SPRR2D: variants seen among roughly 807,000 people sequenced by gnomAD.
The protein encoded by SPRR2D is small proline rich protein 2D.
For synonymous variants in SPRR2D, 43 were observed against 32.8 expected (o/e 1.31, Z -1.06); for missense variants, 81 against 87.2 (o/e 0.93, Z 0.28).
rs3204285 is a variant in SPRR2D at position 153,040,118 on chromosome 1, C to T, written c.*10G>A. ...TTATCCTCTCATGCTCCTGATGAAT[C>T]CTGAAGCTGTTACTTGCTCTTGGGT... On this transcript the variant is annotated 3_prime_UTR_variant, in exon 2 of 2. Coordinates refer to ENST00000360379, the MANE Select transcript of SPRR2D (RefSeq NM_006945.5). 1.9e-6 allele frequency: 3 copies of T among 1,611,260 alleles called. No homozygotes were observed. Among genetic ancestry groups the T allele is most frequent in the African/African-American group, 1.3e-5 (1 of 74,848 alleles).
chr1:153,040,094 T>A lies in SPRR2D; in HGVS notation c.*34A>T. Reference sequence around the variant, plus strand: ...TGGAACGAGGTGAGCCAATTATCCTTATCCTCTCATGCTCCTGATGAATCC... The same window carrying A: ...TGGAACGAGGTGAGCCAATTATCCTAATCCTCTCATGCTCCTGATGAATCC... On this transcript the variant is annotated 3_prime_UTR_variant, in exon 2 of 2. Coordinates refer to ENST00000360379, the MANE Select transcript of SPRR2D (RefSeq NM_006945.5). The A allele has an allele frequency of 6.2e-7, 1 of 1,601,708 alleles. No homozygotes were observed. The highest frequency in any genetic ancestry group is 8.5e-7 in the Non-Finnish European group (1 of 1,174,546).
Position 153,039,855 on chromosome 1 carries a change from G to T in SPRR2D, c.*273C>A. On this transcript the variant is annotated 3_prime_UTR_variant, in exon 2 of 2. Transcript: ENST00000360379. ...CAACAGAATTGTCTGATGGTTCCCA[G>T]GGAGAGAGCTGCTGCTCTTTCTTCC... 1.6e-6 allele frequency: 1 copy of T among 614,956 alleles called. No individual in the cohort carries two copies. Among genetic ancestry groups the T allele is most frequent in the Non-Finnish European group, 2.7e-6 (1 of 363,786 alleles). 38.1% of individuals were successfully genotyped at this position (614,956 alleles called of 1,614,324 possible).
Position 153,040,057 on chromosome 1 carries a change from C to A in SPRR2D, c.*71G>T, listed in dbSNP as rs1372330489. 7.0e-6 allele frequency: 11 copies of A among 1,565,180 alleles called. No homozygotes were observed. The highest frequency in any genetic ancestry group is 1.8e-5 in the Admixed American group (1 of 56,556). Reference sequence around the variant, plus strand: ...CATGGAAGGCTTTGGTGAGAAGATGCAAGTGGAGCTGTGGAACGAGGTGAG... The same window carrying A: ...CATGGAAGGCTTTGGTGAGAAGATGAAAGTGGAGCTGTGGAACGAGGTGAG... On this transcript the variant is annotated 3_prime_UTR_variant, in exon 2 of 2. Coordinates refer to ENST00000360379, the MANE Select transcript of SPRR2D (RefSeq NM_006945.5).
intron 1 of SPRR2D, chr1:153,040,777 C>T (rs1653968941): frequency 9.1e-6 from 2 of 218,654 alleles, no homozygotes; most frequent in Non-Finnish European, 1.8e-5. Context: ...AGGCTCTTGG[C>T]ACCTGTTAAG....
chr1:153,040,304 G>T lies in SPRR2D; in HGVS notation c.43C>A (p.Pro15Thr). Residue 15 changes from proline (P) to threonine (T), a missense_variant, in exon 2 of 2, where the codon CCT (proline) becomes ACT (threonine). Coordinates refer to ENST00000360379, the MANE Select transcript of SPRR2D (RefSeq NM_006945.5). ...QQQCKQPCQP[P>T]PVCPTPKCPE... ...CACTTTGGCGTGGGGCACACAGGAG[G>T]TGGCTGGCAGGGCTGCTTGCACTGC... The T allele has an allele frequency of 6.2e-6, 10 of 1,612,198 alleles. No homozygotes were observed. The highest frequency in any genetic ancestry group is 8.5e-6 in the Non-Finnish European group (10 of 1,179,862).
rs186579068 is a variant in SPRR2D, at chr1:153,040,514, C to G, written c.-19-149G>C. 6.5e-6 allele frequency: 9 copies of G among 1,375,456 alleles called. No individual in the cohort carries two copies. The Admixed American group carries it at 1.6e-4, about 25-fold the overall frequency. 85.2% of individuals were successfully genotyped at this position (1,375,456 alleles called of 1,614,324 possible). ...CCTTTTCAAGACTACTTCGTTTCTCCCTTCCACTTTAGCAAATTGCTTCAT... is the reference window on the plus strand; with the variant it reads ...CCTTTTCAAGACTACTTCGTTTCTCGCTTCCACTTTAGCAAATTGCTTCAT... On this transcript the variant is annotated intron_variant, in intron 1 of 1. Transcript: ENST00000360379.
rs142948674 is a variant in SPRR2D at position 153,040,161 on chromosome 1, G to A, written c.186C>T (p.Pro62=). 8.3e-5 allele frequency: 134 copies of A among 1,612,926 alleles called. No homozygotes were observed. Among genetic ancestry groups the A allele is most frequent in the Middle Eastern group, 1.9e-4 (1 of 5,310 alleles). The part of the protein sequence containing the change: ...QKYPPVTPSP[P]CQPKCPPKSK ...TCTTGGGTGGACACTTTGGCTGGCA[G>A]GGTGGGGAAGGTGTCACAGGAGGAT... The change falls in exon 2 of 2, where the codon CCC becomes CCT. Residue 62 remains proline (P), a synonymous_variant. Coordinates refer to ENST00000360379, the MANE Select transcript of SPRR2D (RefSeq NM_006945.5).
Position 153,039,977 on chromosome 1 carries a change from C to A in SPRR2D, c.*151G>T. The stretch of plus-strand genomic sequence containing the variant: ...CCTCAGAAAGGGAATCTTTTGCTGT[C>A]ACAGATCATCACAGGCAGGCCACAG... On this transcript the variant is annotated 3_prime_UTR_variant, in exon 2 of 2. Coordinates refer to ENST00000360379, the MANE Select transcript of SPRR2D (RefSeq NM_006945.5). 7.0e-7 allele frequency: 1 copy of A among 1,425,560 alleles called. No individual in the cohort carries two copies. The highest frequency in any genetic ancestry group is 2.5e-5 in the Admixed American group (1 of 40,738). The allele number at this position is 1,425,560 out of a possible 1,614,324, so 88.3% of individuals were successfully genotyped here.
At chr1:153,040,825 G>GA (rs375947696) in intron 1 of SPRR2D, 12 of 181,352 alleles carry the variant, frequency 6.6e-5, no homozygotes, top group African/African-American at 2.4e-4. Context: ...AAAACATGGG[G>GA]AAAAAATACT....
chr1:153,040,023 C>A lies in SPRR2D; in HGVS notation c.*105G>T. 1 of 1,534,448 alleles carries A rather than the reference C, an allele frequency of 6.5e-7. No homozygotes were observed. Among genetic ancestry groups the A allele is most frequent in the Non-Finnish European group, 8.8e-7 (1 of 1,138,934 alleles). The stretch of plus-strand genomic sequence containing the variant: ...CACAGGTTAAGGAGAAAGAAGCTCC[C>A]TGTGCATCCATGGAAGGCTTTGGTG... On this transcript the variant is annotated 3_prime_UTR_variant, in exon 2 of 2. Coordinates refer to ENST00000360379, the MANE Select transcript of SPRR2D (RefSeq NM_006945.5).
rs2101595314 is a variant in SPRR2D at position 153,040,180 on chromosome 1, G to A, written c.167C>T (p.Pro56Leu). The change falls in exon 2 of 2, where the codon CCT becomes CTT. Residue 56 changes from proline to leucine, a missense_variant. By Grantham distance (98) the Pro-to-Leu change is moderately conservative. Coordinates refer to ENST00000360379, the MANE Select transcript of SPRR2D (RefSeq NM_006945.5). ...CTGGCAGGGTGGGGAAGGTGTCACA[G>A]GAGGATATTTCTGCTGGCACTGCTG... is the stretch of plus-strand genomic sequence containing the variant. ...PPQQCQQKYPPVTPSPPCQPK... is the reference protein window; with the variant it reads ...PPQQCQQKYPLVTPSPPCQPK... The A allele has an allele frequency of 1.9e-6, 3 of 1,613,084 alleles. No individual in the cohort carries two copies. The highest frequency in any genetic ancestry group is 1.9e-4 in the Middle Eastern group (1 of 5,324).
At chr1:153,040,677 C>T in intron 1 of SPRR2D, 1 of 465,294 alleles carries the variant, frequency 2.1e-6, no homozygotes, top group Non-Finnish European at 3.8e-6. Flanking sequence ...CATGAGCAAT[C>T]TCACAAGCCA....
intron 1 of SPRR2D, chr1:153,040,686 C>T: frequency 2.3e-6 from 1 of 436,688 alleles, no homozygotes; most frequent in Non-Finnish European, 4.1e-6. Flanking sequence ...TCTCACAAGC[C>T]ATTTCTCTTA....
chr1:153,040,544 C>T, intron 1 of SPRR2D, 179 bp from the exon 2 acceptor site: 2 of 1,107,768 alleles, frequency 1.8e-6, no homozygotes, highest in Non-Finnish European at 2.5e-6. Context: ...CTTCATTGGC[C>T]CTGGGAAATC....
rs1045152151 is a variant in SPRR2D at position 153,040,007 on chromosome 1, A to G, written c.*121T>C. On this transcript the variant is annotated 3_prime_UTR_variant, in exon 2 of 2. Transcript: ENST00000360379. ...ATCATCACAGGCAGGCCACAGGTTA[A>G]GGAGAAAGAAGCTCCCTGTGCATCC... 1 of 1,512,298 alleles carries G rather than the reference A, an allele frequency of 6.6e-7. No individual in the cohort carries two copies. Among genetic ancestry groups the G allele is most frequent in the Non-Finnish European group, 8.9e-7 (1 of 1,124,534 alleles). 93.7% of individuals were successfully genotyped at this position (1,512,298 alleles called of 1,614,324 possible).
In SPRR2D at chr1:153,039,945, A is replaced by T; in HGVS notation, c.*183T>A. 8.0e-7 allele frequency: 1 copy of T among 1,242,830 alleles called. No individual in the cohort carries two copies. The highest frequency in any genetic ancestry group is 1.1e-6 in the Non-Finnish European group (1 of 906,460). The allele number at this position is 1,242,830 out of a possible 1,614,324, so 77.0% of individuals were successfully genotyped here. ...TTAGCTCCACCTGGACAGTGGCAGT[A>T]TGGCAGCCTCAGAAAGGGAATCTTT... On this transcript the variant is annotated 3_prime_UTR_variant, in exon 2 of 2. Transcript: ENST00000360379.
rs1432216831 is a variant in SPRR2D, at chr1:153,040,347, C to G, written c.-1G>C. 1 of 1,611,476 alleles carries G rather than the reference C, an allele frequency of 6.2e-7. No homozygotes were observed. The highest frequency in any genetic ancestry group is 1.7e-5 in the Admixed American group (1 of 60,000). On this transcript the variant is annotated 5_prime_UTR_variant, in exon 2 of 2. Transcript: ENST00000360379. The stretch of plus-strand genomic sequence containing the variant: ...TGCACTGCTGCTGTTGATAAGACAT[C>G]CTGCTGGAGTCTCAGGATCTGAAAG...
chr1:153,039,932 G>A lies in SPRR2D; in HGVS notation c.*196C>T. ...GGACTTCCTTTTCTTAGCTCCACCT[G>A]GACAGTGGCAGTATGGCAGCCTCAG... On this transcript the variant is annotated 3_prime_UTR_variant, in exon 2 of 2. Coordinates refer to ENST00000360379, the MANE Select transcript of SPRR2D (RefSeq NM_006945.5). The A allele has an allele frequency of 8.8e-7, 1 of 1,139,886 alleles. No homozygotes were observed. The highest frequency in any genetic ancestry group is 3.0e-4 in the Middle Eastern group (1 of 3,294). The allele number at this position is 1,139,886 out of a possible 1,614,324, so 70.6% of individuals were successfully genotyped here.
At chr1:153,040,607 C>A in intron 1 of SPRR2D, 1 of 678,790 alleles carries the variant, frequency 1.5e-6, no homozygotes, top group Non-Finnish European at 2.4e-6. Flanking sequence ...AGTAATGAAC[C>A]AAGCATGTTA....
Sources: gnomAD v4.1 joint callset for allele counts on GRCh38, gnomAD v4.1.1 for gene constraint, MANE v1.5 for transcripts, NCBI Gene and HGNC (gene_info 2026-07-23, HGNC 2026-07-21) for gene names.